The following PLEKHM2 variants were observed in gnomAD, a reference collection of about 807,000 sequenced individuals.
The protein encoded by PLEKHM2 is pleckstrin homology and RUN domain containing M2.
PLEKHM2 carries 77 observed loss-of-function variants against 116.3 expected under a neutral mutation model. The observed-to-expected ratio is 0.66, with a 90% CI of 0.55 to 0.80. The LOEUF is 0.80. PLEKHM2 is among the 30% of genes least tolerant of loss of function. The probability of loss-of-function intolerance (pLI) is 0.00; values close to 1 mark genes in which losing one functional copy is unlikely to be tolerated. For missense variants in PLEKHM2, 1,183 were observed against 1,354.9 expected, an observed-to-expected ratio of 0.87 and a Z score of 1.99; for synonymous variants, 562 against 571.0, an observed-to-expected ratio of 0.98 and a Z score of 0.22.
chr1:15,718,666 A>AG (rs964179548), intron 5 of PLEKHM2, 41 bp downstream of exon 5: 1 of 130,438 alleles, frequency 7.7e-6, no homozygotes, highest in African/African-American at 1.7e-4. Context: ...GAAGCAGAGG[A>AG]GGGGGCAGGG....
intron 1 of PLEKHM2, among the ~76,000 whole-genome samples, chr1:15,692,794 C>T (rs1369680672): frequency 6.6e-6 from 1 of 152,114 alleles, no homozygotes; most frequent in East Asian, 1.9e-4. Flanking sequence ...GGCTGGAGCA[C>T]GGTGGCACGA....
intron 1 of PLEKHM2, among the ~76,000 whole-genome samples, chr1:15,703,320 C>T (rs1299027087): frequency 2.0e-5 from 3 of 151,254 alleles, no homozygotes; most frequent in East Asian, 3.9e-4. Context: ...TAAACAGGCA[C>T]GCTTACAGCC....
At chr1:15,690,573 A>C (rs545945280) in intron 1 of PLEKHM2, among the ~76,000 whole-genome samples, 1 of 152,352 alleles carries the variant, frequency 6.6e-6, no homozygotes, top group East Asian at 1.9e-4. Flanking sequence ...AGTAGTTCGC[A>C]TACGACGCAT....
chr1:15,696,442 C>T (rs1640998244), intron 1 of PLEKHM2, among the ~76,000 whole-genome samples: 1 of 152,188 alleles, frequency 6.6e-6, no homozygotes, highest in Non-Finnish European at 1.5e-5. Context: ...CCTCCGTCTC[C>T]TGGGTTCAAG....
In PLEKHM2 at chr1:15,730,609, C is replaced by T. The variant is rs752491045; in HGVS notation, c.2286C>T (p.Pro762=). Reference sequence around the variant, plus strand: ...CAGACGAGTCCCTGGGCCCCACGCCCTGCCACTGCTCACCCCCCGAGGGCA... The same window carrying T: ...CAGACGAGTCCCTGGGCCCCACGCCTTGCCACTGCTCACCCCCCGAGGGCA... ...DPTDESLGPT[P]CHCSPPEGTI... Residue 762 remains proline (P), a synonymous_variant, in exon 15 of 20, where the codon CCC becomes CCT. Transcript: ENST00000375799. 7 of 1,607,288 alleles carry T rather than the reference C, an allele frequency of 4.4e-6. No homozygotes were observed. The South Asian group carries it at 6.7e-5, about 15-fold the overall frequency.
rs746427563 is a variant in PLEKHM2, at chr1:15,732,603, T to C, written c.2806-9T>C. 1 of 1,598,220 alleles carries C rather than the reference T, an allele frequency of 6.3e-7. No homozygotes were observed. The highest frequency in any genetic ancestry group is 2.3e-5 in the East Asian group (1 of 44,364). On this transcript the variant is annotated splice_polypyrimidine_tract_variant and intron_variant, in intron 18 of 19. Transcript: ENST00000375799. Reference sequence around the variant, plus strand: ...CTGGCTGCTCACCCGGGGGCCTGGCTCTCCCTAGGAGTTCTCCCAGGACAG... The same window carrying C: ...CTGGCTGCTCACCCGGGGGCCTGGCCCTCCCTAGGAGTTCTCCCAGGACAG...
chr1:15,712,957 C>T (rs553624654), intron 1 of PLEKHM2, among the ~76,000 whole-genome samples: 5 of 152,282 alleles, frequency 3.3e-5, no homozygotes, highest in Non-Finnish European at 1.5e-5. Flanking sequence ...TGTGCCACCA[C>T]ACCCAGCTAA....
chr1:15,732,369 C>G lies in PLEKHM2; in HGVS notation c.2645C>G (p.Ala882Gly). 1 of 1,555,542 alleles carries G rather than the reference C, an allele frequency of 6.4e-7. No individual in the cohort carries two copies. The highest frequency in any genetic ancestry group is 8.7e-7 in the Non-Finnish European group (1 of 1,149,676). ...TGCCAGGTCATCCCCCAGGGCGTAGCTCCCAGCCCCTGCATACCCTGCTGC... is the reference window on the plus strand; with the variant it reads ...TGCCAGGTCATCCCCCAGGGCGTAGGTCCCAGCCCCTGCATACCCTGCTGC... ...VSKGVIPQGV[A>G]PSPCIPCCLV... The change falls in exon 18 of 20, where the codon GCT becomes GGT. Residue 882 changes from alanine (A) to glycine (G), a missense_variant. Ala to Gly is a moderately conservative substitution (Grantham distance 60). Coordinates refer to ENST00000375799, the MANE Select transcript of PLEKHM2 (RefSeq NM_015164.4).
rs1256023863 is a variant in PLEKHM2 at position 15,702,183 on chromosome 1, A to G, written c.61-14054A>G. On this transcript the variant is annotated intron_variant, in intron 1 of 19. Transcript: ENST00000375799. ...TGCTGTGAGTAGAATTCCCAGACGC[A>G]AGGTGGGCAGTGGCATGTCACTTTC... 2.0e-5 allele frequency among the ~76,000 whole-genome samples: 3 copies of G among 152,302 alleles called. No individual in the cohort carries two copies. The South Asian group carries it at 6.2e-4, about 32-fold the overall frequency.
intron 1 of PLEKHM2, among the ~76,000 whole-genome samples, chr1:15,684,854 A>T (rs1166798770): frequency 2.0e-5 from 3 of 151,864 alleles, no homozygotes; most frequent in Non-Finnish European, 4.4e-5. Flanking sequence ...AGCTTCCCCA[A>T]ACCTGGCCCG....
Position 15,684,404 on chromosome 1 carries a change from C to CCGGGCGG in PLEKHM2, c.-148_-142dup, listed in dbSNP as rs1387416434. ...AGCGAGGGCCCAGGCGAGGCGAGGG[C>CCGGGCGG]CGGGCGGCGGGCGCCGGGCCCCGCG... On this transcript the variant is annotated 5_prime_UTR_variant, in exon 1 of 20. Transcript: ENST00000375799. 2.7e-5 allele frequency: 6 copies of CCGGGCGG among 223,170 alleles called. No homozygotes were observed. In the Admixed American group the frequency reaches 3.4e-4, roughly 13 times the overall value. 13.8% of individuals were successfully genotyped at this position (223,170 alleles called of 1,614,324 possible).
At chr1:15,726,556 G>A (rs531177811) in intron 8 of PLEKHM2, among the ~76,000 whole-genome samples, 12 of 152,314 alleles carry the variant, frequency 7.9e-5, no homozygotes, top group South Asian at 4.1e-4. Flanking sequence ...GACCCGGAGC[G>A]TGAGCCCAGA....
Position 15,730,569 on chromosome 1 carries a change from A to G in PLEKHM2, c.2246A>G (p.His749Arg), listed in dbSNP as rs2068127173. The change falls in exon 15 of 20, where the codon CAC becomes CGC. Residue 749 changes from histidine to arginine, a missense_variant. His to Arg is a conservative substitution (Grantham distance 29, BLOSUM62 0). This residue lies in a region of PLEKHM2 where 594 missense variants were observed against 720.1 expected (regional missense o/e 0.82). Coordinates refer to ENST00000375799, the MANE Select transcript of PLEKHM2 (RefSeq NM_015164.4). ...ACCGTGCGCTTCTACGGCCTTGTGC[A>G]CTGGGAGGACCCCACAGACGAGTCC... ...AVTVRFYGLV[H>R]WEDPTDESLG... The G allele has an allele frequency of 1.9e-6, 3 of 1,602,912 alleles. No individual in the cohort carries two copies.
At chr1:15,690,206 C>T (rs949498971) in intron 1 of PLEKHM2, among the ~76,000 whole-genome samples, 8 of 151,392 alleles carry the variant, frequency 5.3e-5, no homozygotes, top group South Asian at 2.1e-4. Flanking sequence ...GCTGGGATTA[C>T]GGGCACAGAC....
At chr1:15,706,978 T>C (rs1283914440) in intron 1 of PLEKHM2, among the ~76,000 whole-genome samples, 2 of 152,096 alleles carry the variant, frequency 1.3e-5, no homozygotes, top group Non-Finnish European at 2.9e-5. Flanking sequence ...CTATCACAAG[T>C]GTGCATTCCT....
At chr1:15,726,780 G>A (rs1176584387) in intron 8 of PLEKHM2, among the ~76,000 whole-genome samples, 1 of 152,164 alleles carries the variant, frequency 6.6e-6, no homozygotes. Context: ...GCAGCCATCT[G>A]TGCCCAGCCC....
intron 7 of PLEKHM2, among the ~76,000 whole-genome samples, chr1:15,722,472 C>T (rs2068008466): frequency 6.6e-6 from 1 of 152,208 alleles, no homozygotes; most frequent in African/African-American, 2.4e-5. Context: ...GAGCCTCCTA[C>T]CCTCTGGGCC....
At chr1:15,725,278 G>A (rs1335976571) in intron 7 of PLEKHM2, 39 bp from the exon 8 acceptor site, 25 of 1,469,568 alleles carry the variant, frequency 1.7e-5, no homozygotes, top group Middle Eastern at 3.5e-4. Flanking sequence ...ACCCCGGGGG[G>A]TGCCTGACAG....
At position 15,725,439 on chromosome 1, in the gene PLEKHM2, A is replaced by G. The variant is rs543986922; in HGVS notation, c.835A>G (p.Thr279Ala). ...QNPFNEEPAE[T>A]VSSSDTTPVH... ...CCCCTTCAACGAGGAGCCGGCAGAG[A>G]CTGTGTCCTCCTCTGACACCACCCC... Residue 279 changes from threonine (T) to alanine (A), a missense_variant, in exon 8 of 20, where the codon ACT becomes GCT. By Grantham distance (58) the Thr-to-Ala change is moderately conservative. Coordinates refer to ENST00000375799, the MANE Select transcript of PLEKHM2 (RefSeq NM_015164.4). The G allele has an allele frequency of 7.7e-6, 12 of 1,566,474 alleles. 1 individual carries two copies. The South Asian group carries it at 1.1e-4, about 14-fold the overall frequency.
Sources: allele counts gnomAD v4.1 joint callset (sites outside exome capture counted in the v4.1 genomes callset), GRCh38; gene constraint gnomAD v4.1.1; regional missense constraint gnomAD v4.1.1; transcripts MANE v1.5; gene names NCBI Gene and HGNC (gene_info 2026-07-23, HGNC 2026-07-21).